The following TNR variants were observed in gnomAD, a reference collection of about 807,000 sequenced individuals.
The protein encoded by TNR is tenascin-R.
Under a neutral mutation model 150.4 loss-of-function variants are expected in TNR, and 45 were observed. The ratio of observed to expected loss-of-function variants is 0.30; its 90% CI spans 0.24 to 0.38. The LOEUF (loss-of-function observed/expected upper bound fraction) is 0.38. Among genes scored for constraint, TNR ranks in the 10% least tolerant of loss-of-function variants. The pLI is 1.00. For synonymous variants in TNR, 687 were observed against 678.4 expected (o/e 1.01, Z -0.20); for missense variants, 1,544 against 1,759.1 (o/e 0.88, Z 2.19).
chr1:175,657,853 G>GTATGTA (rs1665231476), intron 1 of TNR, among the ~76,000 whole-genome samples: 13 of 70,478 alleles, frequency 1.8e-4, no homozygotes, highest in Admixed American at 6.2e-4. Context: ...CATGGAACAT[G>GTATGTA]TATATATATA....
Position 175,386,385 on chromosome 1 carries a change from A to C in TNR, c.1508-84T>G, listed in dbSNP as rs938341561. ...CAGCTCTCTCTTTTCCTCCTTATGG[A>C]AGTCTGGTGAGTCAGAGAGAGGATG... On this transcript the variant is annotated intron_variant, in intron 7 of 22. Coordinates refer to ENST00000367674, the MANE Select transcript of TNR (RefSeq NM_003285.3). 2.4e-5 allele frequency: 34 copies of C among 1,410,664 alleles called. No homozygotes were observed. The Middle Eastern group carries it at 1.2e-3, about 49-fold the overall frequency. 87.4% of individuals were successfully genotyped at this position (1,410,664 alleles called of 1,614,324 possible).
At chr1:175,494,962 T>C (rs1658423379) in intron 2 of TNR, among the ~76,000 whole-genome samples, 1 of 152,176 alleles carries the variant, frequency 6.6e-6, no homozygotes, top group Non-Finnish European at 1.5e-5. Context: ...TCGGTCATGG[T>C]CCTCTAGGTG....
At chr1:175,561,099 A>G (rs1245827661) in intron 1 of TNR, among the ~76,000 whole-genome samples, 3 of 151,916 alleles carry the variant, frequency 2.0e-5, no homozygotes, top group African/African-American at 4.8e-5. Flanking sequence ...TGTCTCTGGC[A>G]TTTTTCTAGT....
intron 1 of TNR, among the ~76,000 whole-genome samples, chr1:175,589,255 T>C (rs1168616896): frequency 6.6e-6 from 1 of 152,206 alleles, no homozygotes; most frequent in Non-Finnish European, 1.5e-5. Flanking sequence ...TGACTCAATT[T>C]ACAGCATTAT....
chr1:175,417,076 A>AAAGAAAGAAAGAAAGAAATAAATC (rs1491457290), intron 2 of TNR, among the ~76,000 whole-genome samples: 1 of 113,664 alleles, frequency 8.8e-6, no homozygotes, highest in African/African-American at 2.8e-5. Context: ...AGAAAGAAAG[A>AAAGAAAGAAAGAAAGAAATAAATC]AATCTAAGAA....
intron 1 of TNR, among the ~76,000 whole-genome samples, chr1:175,652,589 T>C (rs899616477): frequency 2.0e-5 from 3 of 152,158 alleles, no homozygotes; most frequent in Admixed American, 6.5e-5. Context: ...GTTCTTGTGA[T>C]AGTGAGTGAA....
chr1:175,609,272 T>C (rs1041192315), intron 1 of TNR, among the ~76,000 whole-genome samples: 25 of 151,548 alleles, frequency 1.6e-4, no homozygotes, highest in Non-Finnish European at 2.9e-4. Context: ...CACAAATCAA[T>C]AATCAATAAT....
intron 2 of TNR, among the ~76,000 whole-genome samples, chr1:175,484,000 C>T (rs751220875): frequency 1.3e-5 from 2 of 152,182 alleles, no homozygotes; most frequent in South Asian, 2.1e-4. Flanking sequence ...TGTCCATATG[C>T]CCCCGCTGCA....
rs369338175 is a variant in TNR at position 175,649,493 on chromosome 1, T to C, written c.-165+93733A>G. On this transcript the variant is annotated intron_variant, in intron 1 of 22. Transcript: ENST00000367674. ...CCTCATCAAAATGCCGTCATCTCCT[T>C]GGGGGCAGACAGCATCTTCCTTGTT... 1.3e-4 allele frequency among the ~76,000 whole-genome samples: 20 copies of C among 152,206 alleles called. No individual in the cohort carries two copies. In the South Asian group the frequency reaches 4.2e-3, roughly 32 times the overall value.
Position 175,356,340 on chromosome 1 carries a change from T to C in TNR, c.3097A>G (p.Ile1033Val), listed in dbSNP as rs773930890. Residue 1033 changes from isoleucine to valine, a missense_variant, in exon 16 of 23, where the codon ATC becomes GTC. Coordinates refer to ENST00000367674, the MANE Select transcript of TNR (RefSeq NM_003285.3). The part of the protein sequence containing the change: ...ATNGPLTSGT[I>V]STNFSTLLDP... Reference sequence around the variant, plus strand: ...TCACGAGTAGAAAAGTTGGTGCTGATGGTGCCACTGGTGAGAGGTCCATTG... The same window carrying C: ...TCACGAGTAGAAAAGTTGGTGCTGACGGTGCCACTGGTGAGAGGTCCATTG... 4.3e-6 allele frequency: 7 copies of C among 1,614,040 alleles called. No homozygotes were observed. Among genetic ancestry groups the C allele is most frequent in the Non-Finnish European group, 5.9e-6 (7 of 1,179,932 alleles).
intron 18 of TNR, among the ~76,000 whole-genome samples, chr1:175,351,963 A>T (rs1207251276): frequency 6.6e-6 from 1 of 152,270 alleles, no homozygotes; most frequent in East Asian, 1.9e-4. Context: ...ACAAACAAAC[A>T]ACCTAAATAC....
intron 1 of TNR, among the ~76,000 whole-genome samples, chr1:175,595,476 TTG>T (rs1254850433): frequency 6.6e-5 from 10 of 152,334 alleles, no homozygotes; most frequent in African/African-American, 2.2e-4. Context: ...AAAAATTGCC[TTG>T]TGGAAACATG....
chr1:175,704,173 T>C (rs2101929516), intron 1 of TNR, among the ~76,000 whole-genome samples: 1 of 152,332 alleles, frequency 6.6e-6, no homozygotes, highest in Non-Finnish European at 1.5e-5. Flanking sequence ...ATAAGTACAC[T>C]AAACTGTACG....
intron 4 of TNR, among the ~76,000 whole-genome samples, chr1:175,402,593 A>C (rs756595218): frequency 1.3e-5 from 2 of 152,184 alleles, no homozygotes; most frequent in Non-Finnish European, 1.5e-5. Context: ...GTCTAAAAAC[A>C]CTCTGCCCCA....
intron 4 of TNR, 110 bp from the exon 5 acceptor site, chr1:175,396,917 G>A: frequency 7.1e-7 from 1 of 1,410,012 alleles, no homozygotes; most frequent in Non-Finnish European, 9.6e-7. Flanking sequence ...TATATGTCCT[G>A]CTGGGCTCAA....
intron 1 of TNR, among the ~76,000 whole-genome samples, chr1:175,582,617 A>G (rs1662399302): frequency 6.6e-6 from 1 of 152,226 alleles, no homozygotes; most frequent in African/African-American, 2.4e-5. Flanking sequence ...TAGTGAGCCA[A>G]GAGGCCTTTA....
chr1:175,677,027 C>A (rs1004091563), intron 1 of TNR, among the ~76,000 whole-genome samples: 2 of 152,152 alleles, frequency 1.3e-5, no homozygotes, highest in African/African-American at 4.8e-5. Flanking sequence ...AAGAAGTAGC[C>A]GAGATAGGAT....
chr1:175,666,313 C>T (rs1322643491), intron 1 of TNR, among the ~76,000 whole-genome samples: 3 of 152,172 alleles, frequency 2.0e-5, no homozygotes, highest in South Asian at 2.1e-4. Context: ...TCCCTTCCTG[C>T]TTCTTGTATC....
intron 2 of TNR, among the ~76,000 whole-genome samples, chr1:175,440,858 G>A (rs1655753065): frequency 6.6e-6 from 1 of 152,090 alleles, no homozygotes; most frequent in South Asian, 2.1e-4. Flanking sequence ...AGAATAGAGA[G>A]GATATTTGGT....
Sources: gnomAD v4.1 joint callset for allele counts (sites outside exome capture counted in the v4.1 genomes callset) on GRCh38, gnomAD v4.1.1 for gene constraint, MANE v1.5 for transcripts, NCBI Gene and HGNC (gene_info 2026-07-23, HGNC 2026-07-21) for gene names.